The following PPFIBP1 variants were observed in gnomAD, a reference collection of about 807,000 sequenced individuals.
PPFIBP1 encodes PPFIB scaffold protein 1.
PPFIBP1 carries 112 observed loss-of-function variants against 137.8 expected under a neutral mutation model. The observed-to-expected ratio is 0.81, with a 90% CI of 0.70 to 0.95. PPFIBP1 has a LOEUF of 0.95. Among genes scored for constraint, PPFIBP1 ranks in the 40% least tolerant of loss-of-function variants. The pLI, the probability that PPFIBP1 is intolerant of heterozygous loss-of-function variation, is 0.00. For missense variants in PPFIBP1, 1,083 were observed against 1,196.6 expected (o/e 0.91, Z 1.40); for synonymous variants, 378 against 417.3 (o/e 0.91, Z 1.15).
intron 2 of PPFIBP1, among the ~76,000 whole-genome samples, chr12:27,583,535 CT>C (rs144773870): frequency 0.018 from 2,671 of 152,230 alleles, 79 homozygotes; most frequent in African/African-American, 0.062. Context: ...TCTTCATGGT[CT>C]ATATTGGTCC....
At chr12:27,657,218 A>C (rs2059258711) in intron 9 of PPFIBP1, 1 of 152,778 alleles carries the variant, frequency 6.5e-6, no homozygotes, top group Non-Finnish European at 1.5e-5. Flanking sequence ...TTAGAAAAAT[A>C]GGCTAATTCT....
At chr12:27,566,674 T>C (rs2049705735) in intron 1 of PPFIBP1, among the ~76,000 whole-genome samples, 1 of 152,240 alleles carries the variant, frequency 6.6e-6, no homozygotes, top group Non-Finnish European at 1.5e-5. Context: ...AAGCTCTCTA[T>C]GTGAATTACA....
chr12:27,657,887 C>T (rs1321447230), intron 9 of PPFIBP1, among the ~76,000 whole-genome samples: 9 of 152,024 alleles, frequency 5.9e-5, no homozygotes, highest in Non-Finnish European at 1.0e-4. Flanking sequence ...GAAGGAGGAT[C>T]GCTTGAGGCC....
At chr12:27,527,382 A>G (rs1175209714) in intron 1 of PPFIBP1, among the ~76,000 whole-genome samples, 2 of 151,640 alleles carry the variant, frequency 1.3e-5, no homozygotes, top group Non-Finnish European at 2.9e-5. Flanking sequence ...CCCTGGGACT[A>G]CAGTCATGCA....
chr12:27,607,325 A>G (rs749306194), intron 2 of PPFIBP1, among the ~76,000 whole-genome samples: 1 of 152,234 alleles, frequency 6.6e-6, no homozygotes, highest in Non-Finnish European at 1.5e-5. Flanking sequence ...CGTGGGAAAT[A>G]GCATGAGCTC....
chr12:27,546,594 C>A (rs1262276162), intron 1 of PPFIBP1, among the ~76,000 whole-genome samples: 2 of 152,168 alleles, frequency 1.3e-5, no homozygotes, highest in Non-Finnish European at 2.9e-5. Context: ...CTGGGCAAGA[C>A]AATAGCAGGA....
rs983533383 is a variant in PPFIBP1, at chr12:27,661,485, C to G, written c.906+540C>G. ...AGGTTTCCACAGGTTTCCTCCCCCC[C>G]CAGTTGGTTCTTGTTATCCACATGT... On this transcript the variant is annotated intron_variant, in intron 11 of 29. Transcript: ENST00000228425. Among the ~76,000 whole-genome samples, 12 of 152,296 alleles carry G rather than the reference C, an allele frequency of 7.9e-5. No homozygotes were observed. In the East Asian group the frequency reaches 9.7e-4, roughly 12 times the overall value.
chr12:27,663,836 T>A (rs2059692671), intron 11 of PPFIBP1, among the ~76,000 whole-genome samples: 1 of 139,596 alleles, frequency 7.2e-6, no homozygotes, highest in South Asian at 2.5e-4. Context: ...CGAGACCCTG[T>A]CTCAAAAAAA....
At chr12:27,659,095 T>C (rs192749192) in intron 10 of PPFIBP1, among the ~76,000 whole-genome samples, 48 of 152,334 alleles carry the variant, frequency 3.2e-4, no homozygotes, top group African/African-American at 1.1e-3. Flanking sequence ...GCACACAGCA[T>C]TGTGGATGTA....
At chr12:27,544,626 C>G (rs1009454666) in intron 1 of PPFIBP1, among the ~76,000 whole-genome samples, 1 of 152,030 alleles carries the variant, frequency 6.6e-6, no homozygotes, top group African/African-American at 2.4e-5. Flanking sequence ...ATGTGGTCAA[C>G]AAACATATGA....
chr12:27,635,198 C>A lies in PPFIBP1; in HGVS notation c.270+83C>A, dbSNP rs752151644. The A allele has an allele frequency of 5.7e-6, 8 of 1,400,456 alleles. No individual in the cohort carries two copies. The Admixed American group carries it at 7.1e-5, about 12-fold the overall frequency. 86.8% of individuals were successfully genotyped at this position (1,400,456 alleles called of 1,614,324 possible). ...TAGAACATAGAATAGCTGATTAGAA[C>A]AAGAAAAGTTTAGGGCAACACATGT... On this transcript the variant is annotated intron_variant, in intron 4 of 29. Transcript: ENST00000228425.
intron 11 of PPFIBP1, among the ~76,000 whole-genome samples, chr12:27,662,199 G>T (rs551455298): frequency 6.6e-6 from 1 of 152,300 alleles, no homozygotes; most frequent in Non-Finnish European, 1.5e-5. Flanking sequence ...AGGCTTCTTA[G>T]GCAAAGGGTC....
At position 27,561,286 on chromosome 12, in the gene PPFIBP1, G is replaced by A. The variant is rs141008954; in HGVS notation, c.-123-16866G>A. Among the ~76,000 whole-genome samples the A allele has an allele frequency of 5.3e-5, 8 of 152,276 alleles. No homozygotes were observed. In the East Asian group the frequency reaches 1.4e-3, roughly 26 times the overall value. ...ATCCCTGGAGAGGGGATTTATGGTA[G>A]GTTTACTCTTGGCCTCCTTTCTGGG... is the stretch of plus-strand genomic sequence containing the variant. On this transcript the variant is annotated intron_variant, in intron 1 of 29. Transcript: ENST00000228425.
intron 2 of PPFIBP1, among the ~76,000 whole-genome samples, chr12:27,597,044 G>T (rs2053394374): frequency 6.6e-6 from 1 of 152,200 alleles, no homozygotes; most frequent in South Asian, 2.1e-4. Flanking sequence ...TTTCTTGGAA[G>T]AAAATCCGTT....
chr12:27,672,603 A>G, intron 15 of PPFIBP1, 120 bp downstream of exon 15: 1 of 758,176 alleles, frequency 1.3e-6, no homozygotes, highest in East Asian at 2.7e-5. Flanking sequence ...TACTGAATAA[A>G]TCAATGTAGC....
chr12:27,620,255 A>T (rs1453564378), intron 2 of PPFIBP1, among the ~76,000 whole-genome samples: 1 of 152,138 alleles, frequency 6.6e-6, no homozygotes, highest in African/African-American at 2.4e-5. Context: ...AATTGAAGTC[A>T]AAGCCTGGCT....
At chr12:27,601,929 G>A (rs1033085505) in intron 2 of PPFIBP1, among the ~76,000 whole-genome samples, 1 of 152,144 alleles carries the variant, frequency 6.6e-6, no homozygotes, top group African/African-American at 2.4e-5. Context: ...AAATTTAAAT[G>A]GAATTAAACA....
chr12:27,616,310 A>AT (rs11370764), intron 2 of PPFIBP1, among the ~76,000 whole-genome samples: 118,089 of 143,652 alleles, frequency 0.82, 49,205 homozygotes, highest in South Asian at 0.91. Flanking sequence ...TTGTTTGCAG[A>AT]TTTTTTTTTT....
intron 1 of PPFIBP1, among the ~76,000 whole-genome samples, chr12:27,575,255 A>G (rs2050462720): frequency 6.6e-6 from 1 of 152,148 alleles, no homozygotes; most frequent in African/African-American, 2.4e-5. Context: ...ATAAAATTTT[A>G]TTTACAAAAA....
Sources: allele counts gnomAD v4.1 joint callset (sites outside exome capture counted in the v4.1 genomes callset), GRCh38; gene constraint gnomAD v4.1.1; transcripts MANE v1.5; gene names NCBI Gene and HGNC (gene_info 2026-07-23, HGNC 2026-07-21).